The following NGEF variants were observed in gnomAD, a reference collection of about 807,000 sequenced individuals.
The protein encoded by NGEF is neuronal guanine nucleotide exchange factor, also known as ephexin-1.
Under a neutral mutation model 80.9 loss-of-function variants are expected in NGEF, and 31 were observed. The ratio of observed to expected loss-of-function variants is 0.38; its 90% CI spans 0.29 to 0.52. NGEF has a LOEUF of 0.52. NGEF is among the 20% of genes least tolerant of loss of function. The probability of loss-of-function intolerance (pLI) is 0.84; values close to 1 mark genes in which losing one functional copy is unlikely to be tolerated. For synonymous variants in NGEF, 371 were observed against 370.2 expected (o/e 1.00, Z -0.03); for missense variants, 709 against 926.2 (o/e 0.77, Z 3.04).
At chr2:232,979,579 C>T (rs1482647426) in intron 1 of NGEF, among the ~76,000 whole-genome samples, 2 of 152,176 alleles carry the variant, frequency 1.3e-5, no homozygotes, top group African/African-American at 4.8e-5. Context: ...CCTTAAGTTC[C>T]TCTGTGGCTT....
rs1553555879 is a variant in NGEF at position 232,969,448 on chromosome 2, C to CCGTT, written c.383+765_383+766insAACG. On this transcript the variant is annotated intron_variant, in intron 3 of 14. Transcript: ENST00000264051. ...CTATCTCTCCCTCCCTCCCTCCCTC[C>CCGTT]CCTTCCTTCCTTCCTTCCTTCCTTC... Among the ~76,000 whole-genome samples, 7 of 51,376 alleles carry CCGTT rather than the reference C, an allele frequency of 1.4e-4. No individual in the cohort carries two copies. The East Asian group carries it at 4.4e-3, about 32-fold the overall frequency. The allele number at this position is 51,376 out of a possible 152,430, so 33.7% of individuals were successfully genotyped here.
intron 14 of NGEF, among the ~76,000 whole-genome samples, chr2:232,879,913 A>G (rs1205123584): frequency 6.6e-6 from 1 of 152,230 alleles, no homozygotes; most frequent in Non-Finnish European, 1.5e-5. Flanking sequence ...CGTGCCACGC[A>G]GTTCCACGTT....
At chr2:232,915,492 T>C (rs886384992) in intron 5 of NGEF, among the ~76,000 whole-genome samples, 3 of 152,184 alleles carry the variant, frequency 2.0e-5, no homozygotes, top group African/African-American at 7.2e-5. Context: ...TCATTACATG[T>C]CGTGTTCAGC....
At chr2:232,927,536 G>A (rs1363301975) in intron 3 of NGEF, among the ~76,000 whole-genome samples, 1 of 152,118 alleles carries the variant, frequency 6.6e-6, no homozygotes, top group East Asian at 1.9e-4. Flanking sequence ...GCCACTCGGC[G>A]CCCCTCGCCG....
Position 232,892,604 on chromosome 2 carries a change from T to A in NGEF, c.1142+294A>T, listed in dbSNP as rs2106231122. ...TCACTTGACCTCAAGCTCTCTTTTC[T>A]AACTGCACAGTGCTCTGCTCAGCCA... On this transcript the variant is annotated intron_variant, in intron 7 of 14. Coordinates refer to ENST00000264051, the MANE Select transcript of NGEF (RefSeq NM_019850.3). The surrounding 1 kb of genome is among the most constrained non-coding windows in gnomAD (Gnocchi z 4.0). Among the ~76,000 whole-genome samples the A allele has an allele frequency of 6.6e-6, 1 of 152,296 alleles. No homozygotes were observed. Among genetic ancestry groups the A allele is most frequent in the Admixed American group, 6.5e-5 (1 of 15,304 alleles).
intron 8 of NGEF, 123 bp from the exon 9 acceptor site, chr2:232,888,230 A>G (rs1168770335): frequency 1.5e-6 from 1 of 656,820 alleles, no homozygotes; most frequent in East Asian, 2.6e-5. Context: ...ATGCACACAC[A>G]CACACACGCA....
chr2:232,989,535 G>A (rs189004954), intron 1 of NGEF, among the ~76,000 whole-genome samples: 127 of 152,250 alleles, frequency 8.3e-4, no homozygotes, highest in South Asian at 3.7e-3. Context: ...AAAATGACTA[G>A]CACAGAACCT....
chr2:232,884,294 C>T lies in NGEF; in HGVS notation c.1438-150G>A, dbSNP rs1197351385. On this transcript the variant is annotated intron_variant, in intron 10 of 14. Coordinates refer to ENST00000264051, the MANE Select transcript of NGEF (RefSeq NM_019850.3). ...TTGGGGGGAAAGGCCGAGTTCTGGA[C>T]GGATGCAGAGAGATGGCAGGGCTGT... The T allele has an allele frequency of 2.6e-5, 22 of 849,220 alleles. No homozygotes were observed. The East Asian group carries it at 2.7e-4, about 11-fold the overall frequency. The allele number at this position is 849,220 out of a possible 1,614,324, so 52.6% of individuals were successfully genotyped here.
intron 6 of NGEF, 64 bp from the exon 7 acceptor site, chr2:232,893,114 A>C: frequency 6.5e-7 from 1 of 1,533,498 alleles, no homozygotes; most frequent in East Asian, 2.3e-5. Context: ...TTGTCTCACC[A>C]AGGGCAGCAT....
intron 3 of NGEF, among the ~76,000 whole-genome samples, chr2:232,939,175 C>CAA (rs60357492): frequency 0.012 from 760 of 65,780 alleles, 19 homozygotes; most frequent in Admixed American, 0.041. Flanking sequence ...GACTCAGTCT[C>CAA]AAAAAAAAAA....
chr2:232,992,059 C>T (rs1210283016), intron 1 of NGEF, among the ~76,000 whole-genome samples: 1 of 152,128 alleles, frequency 6.6e-6, no homozygotes, highest in African/African-American at 2.4e-5. Flanking sequence ...TACCTCACAT[C>T]ATATACAAAG....
At chr2:232,949,035 A>C (rs925847476) in intron 3 of NGEF, among the ~76,000 whole-genome samples, 2 of 135,340 alleles carry the variant, frequency 1.5e-5, no homozygotes, top group South Asian at 2.5e-4. Flanking sequence ...CCCCCCAAAA[A>C]AAACAAACAA....
chr2:232,907,188 G>GAAAAAAAAAAAAAGAAA (rs1692585522), intron 5 of NGEF, among the ~76,000 whole-genome samples: 1 of 113,158 alleles, frequency 8.8e-6, no homozygotes. Context: ...AGAAAAAAAA[G>GAAAAAAAAAAAAAGAAA]AAAAAAAAAA....
In NGEF at chr2:232,960,835, G is replaced by A. The variant is rs533706960; in HGVS notation, c.383+9379C>T. Among the ~76,000 whole-genome samples, 5 of 152,284 alleles carry A rather than the reference G, an allele frequency of 3.3e-5. 1 individual carries two copies. The highest frequency in any genetic ancestry group is 2.1e-4 in the South Asian group (1 of 4,820). On this transcript the variant is annotated intron_variant, in intron 3 of 14. Transcript: ENST00000264051. ...AGAGGTTGCAGTGAGCCAAGATCGC[G>A]CCACTGCACTCCAGCCTGGACAACA...
intron 5 of NGEF, among the ~76,000 whole-genome samples, chr2:232,916,206 GC>G (rs1363841336): frequency 2.6e-5 from 4 of 152,254 alleles, no homozygotes; most frequent in Admixed American, 2.6e-4. Flanking sequence ...GGGCACATAA[GC>G]CCTTGATAAT....
At chr2:232,917,608 T>C (rs1050624975) in intron 5 of NGEF, among the ~76,000 whole-genome samples, 2 of 151,874 alleles carry the variant, frequency 1.3e-5, no homozygotes, top group Non-Finnish European at 2.9e-5. Context: ...TAGCTGGGAT[T>C]ACAGGGACCC....
chr2:232,900,136 T>A (rs111162799), intron 5 of NGEF, among the ~76,000 whole-genome samples: 4 of 78,818 alleles, frequency 5.1e-5, no homozygotes, highest in Non-Finnish European at 9.7e-5. Context: ...ACTCACATTC[T>A]CACACACACA....
At chr2:232,888,141 C>T (rs757216192) in intron 8 of NGEF, 34 bp from the exon 9 acceptor site, 2 of 1,507,814 alleles carry the variant, frequency 1.3e-6, no homozygotes, top group Non-Finnish European at 1.8e-6. Context: ...TAACTTTAAT[C>T]TTTTCTGGTC....
intron 3 of NGEF, among the ~76,000 whole-genome samples, chr2:232,929,237 T>C (rs1693167564): frequency 6.6e-6 from 1 of 152,178 alleles, no homozygotes; most frequent in Admixed American, 6.5e-5. Flanking sequence ...TAGCAAATTC[T>C]TCGTTGGGGG....
Sources: gnomAD v4.1 joint callset for allele counts (sites outside exome capture counted in the v4.1 genomes callset) on GRCh38, gnomAD v4.1.1 for gene constraint, Gnocchi (gnomAD v3.1) non-coding constraint, MANE v1.5 for transcripts, NCBI Gene and HGNC (gene_info 2026-07-23, HGNC 2026-07-21) for gene names.